Variants in RNLS observed in about 807,000 individuals in gnomAD.
The protein encoded by RNLS is renalase, FAD dependent amine oxidase.
Under a neutral mutation model 39.8 loss-of-function variants are expected in RNLS, and 39 were observed. The observed-to-expected ratio is 0.98, with a 90% CI of 0.76 to 1.28. The LOEUF is 1.28. Among genes scored for constraint, RNLS ranks in the 50% most tolerant of loss-of-function variants. RNLS has a pLI of 0.00. For missense variants in RNLS, 410 were observed against 413.3 expected, an observed-to-expected ratio of 0.99 and a Z score of 0.07; for synonymous variants, 147 against 150.7, an observed-to-expected ratio of 0.98 and a Z score of 0.18.
At chr10:88,310,427 A>G (rs1407676992) in intron 6 of RNLS, among the ~76,000 whole-genome samples, 1 of 152,082 alleles carries the variant, frequency 6.6e-6, no homozygotes, top group Non-Finnish European at 1.5e-5. Context: ...GTTTATGTGT[A>G]CATGTATTTT....
chr10:88,450,356 C>T (rs2133891806), intron 4 of RNLS, among the ~76,000 whole-genome samples: 1 of 152,310 alleles, frequency 6.6e-6, no homozygotes, highest in South Asian at 2.1e-4. Context: ...GAAGCCTGTG[C>T]TTATCAGAAA....
chr10:88,554,286 G>GA (rs986475985), intron 4 of RNLS, among the ~76,000 whole-genome samples: 3 of 151,934 alleles, frequency 2.0e-5, no homozygotes, highest in Non-Finnish European at 2.9e-5. Context: ...ATAGTAAATG[G>GA]AAAAAATCTT....
intron 4 of RNLS, among the ~76,000 whole-genome samples, chr10:88,464,550 T>C (rs1237568185): frequency 6.6e-6 from 1 of 152,066 alleles, no homozygotes. Context: ...CATTTATATC[T>C]CAATCAGTAC....
the RNLS span, among the ~76,000 whole-genome samples, chr10:88,229,094 C>A: frequency 6.6e-6 from 1 of 152,192 alleles, no homozygotes; most frequent in African/African-American, 2.4e-5. Context: ...ATTACACTTC[C>A]ACTTTTAAAT....
At chr10:88,193,530 A>T in the RNLS span, among the ~76,000 whole-genome samples, 2 of 152,112 alleles carry the variant, frequency 1.3e-5, no homozygotes, top group Non-Finnish European at 2.9e-5. Context: ...CTTTGCTTGA[A>T]TAACTTTGTT....
At chr10:88,302,181 C>G (rs1844581555) in intron 6 of RNLS, among the ~76,000 whole-genome samples, 1 of 152,176 alleles carries the variant, frequency 6.6e-6, no homozygotes, top group Non-Finnish European at 1.5e-5. Context: ...TGAAATGACT[C>G]TGCATTATGC....
At chr10:88,466,707 G>A (rs1253958230) in intron 4 of RNLS, among the ~76,000 whole-genome samples, 2 of 151,982 alleles carry the variant, frequency 1.3e-5, no homozygotes, top group African/African-American at 4.8e-5. Context: ...CCCCAAAAGT[G>A]TATTTTTTAA....
intron 5 of RNLS, among the ~76,000 whole-genome samples, chr10:88,325,529 G>A (rs888739510): frequency 2.0e-5 from 3 of 152,134 alleles, no homozygotes; most frequent in African/African-American, 4.8e-5. Flanking sequence ...AGCTACAGAA[G>A]TTGCCGACTC....
intron 6 of RNLS, among the ~76,000 whole-genome samples, chr10:88,312,685 C>G (rs1331525297): frequency 6.6e-6 from 1 of 152,088 alleles, no homozygotes; most frequent in Non-Finnish European, 1.5e-5. Context: ...GCTTTTAAAA[C>G]ATATATATTT....
At chr10:88,456,438 T>C (rs962174861) in intron 4 of RNLS, among the ~76,000 whole-genome samples, 1 of 151,856 alleles carries the variant, frequency 6.6e-6, no homozygotes, top group Non-Finnish European at 1.5e-5. Flanking sequence ...TATGAGAAAA[T>C]GTTAGAAATT....
the RNLS span, among the ~76,000 whole-genome samples, chr10:88,246,823 G>T: frequency 6.6e-6 from 1 of 152,150 alleles, no homozygotes; most frequent in African/African-American, 2.4e-5. Context: ...TCTAAGTTGT[G>T]AGCAGACAAC....
the RNLS span, among the ~76,000 whole-genome samples, chr10:88,196,161 G>A: frequency 6.8e-6 from 1 of 147,566 alleles, no homozygotes; most frequent in Non-Finnish European, 1.5e-5. Flanking sequence ...TTTTAGTCAG[G>A]CTTGCCTAAT....
chr10:88,384,826 T>C (rs1851768282), intron 4 of RNLS, among the ~76,000 whole-genome samples: 1 of 152,240 alleles, frequency 6.6e-6, no homozygotes, highest in Admixed American at 6.5e-5. Context: ...AAGAACCTAA[T>C]GTCTGATAAA....
At chr10:88,306,039 T>C (rs914597953) in intron 6 of RNLS, among the ~76,000 whole-genome samples, 4 of 152,048 alleles carry the variant, frequency 2.6e-5, no homozygotes, top group African/African-American at 4.8e-5. Flanking sequence ...CAAAACCATA[T>C]AGTTACATGA....
At chr10:88,438,122 TAAA>T (rs571001948) in intron 4 of RNLS, among the ~76,000 whole-genome samples, 5 of 116,756 alleles carry the variant, frequency 4.3e-5, no homozygotes, top group Non-Finnish European at 3.7e-5. Flanking sequence ...GTGAAACTCC[TAAA>T]AAAAAAAAAA....
intron 4 of RNLS, among the ~76,000 whole-genome samples, chr10:88,366,849 C>T (rs1564736067): frequency 6.6e-6 from 1 of 151,626 alleles, no homozygotes; most frequent in African/African-American, 2.4e-5. Flanking sequence ...CTTGTTCCCG[C>T]TCAAGTTGCC....
intron 4 of RNLS, among the ~76,000 whole-genome samples, chr10:88,404,907 G>T (rs1853164532): frequency 6.6e-6 from 1 of 152,092 alleles, no homozygotes; most frequent in Non-Finnish European, 1.5e-5. Context: ...TGCTGAAGTG[G>T]AGGGAAACTA....
intron 3 of RNLS, among the ~76,000 whole-genome samples, chr10:88,578,530 C>A (rs749362092): frequency 6.6e-6 from 1 of 151,600 alleles, no homozygotes; most frequent in Non-Finnish European, 1.5e-5. Context: ...GATAATAGAT[C>A]GGGGTAGAGG....
the RNLS span, among the ~76,000 whole-genome samples, chr10:88,222,508 A>G: frequency 4.6e-5 from 7 of 152,214 alleles, no homozygotes; most frequent in Admixed American, 1.3e-4. Context: ...AAACTGGGGA[A>G]AAATAATAAT....
Sources: gnomAD v4.1 joint callset for allele counts (sites outside exome capture counted in the v4.1 genomes callset) on GRCh38, gnomAD v4.1.1 for gene constraint, MANE v1.5 for transcripts, NCBI Gene and HGNC (gene_info 2026-07-23, HGNC 2026-07-21) for gene names.